DPP9: variants seen among roughly 807,000 people sequenced by gnomAD.
DPP9 encodes the protein dipeptidyl peptidase 9.
Under a neutral mutation model 110.7 loss-of-function variants are expected in DPP9, and 50 were observed. The observed-to-expected ratio is 0.45, with a 90% CI of 0.36 to 0.57. DPP9 has a LOEUF of 0.57. Ranked by LOEUF, DPP9 falls within the 20% of genes least tolerant of loss-of-function variation. The probability of loss-of-function intolerance (pLI) is 0.00; values close to 1 mark genes in which losing one functional copy is unlikely to be tolerated. For synonymous variants in DPP9, 561 were observed against 514.4 expected (o/e 1.09, Z -1.23); for missense variants, 1,022 against 1,217.9 (o/e 0.84, Z 2.39).
intron 19 of DPP9, chr19:4,683,206 C>T (rs950450773): frequency 1.6e-5 from 23 of 1,427,252 alleles, no homozygotes; most frequent in Non-Finnish European, 2.1e-5. Flanking sequence ...CCATCCGAGG[C>T]CGGGGTCCCG....
At chr19:4,707,044 G>A (rs79945697) in intron 4 of DPP9, among the ~76,000 whole-genome samples, 2,660 of 152,246 alleles carry the variant, frequency 0.017, 43 homozygotes, top group African/African-American at 0.04. Context: ...GAATCACCCC[G>A]ACCTCAAACC....
At position 4,700,348 on chromosome 19, in the gene DPP9, C is replaced by A. The variant is rs73543627; in HGVS notation, c.1013-71G>T. 7.3e-7 allele frequency: 1 copy of A among 1,363,572 alleles called. No individual in the cohort carries two copies. The highest frequency in any genetic ancestry group is 1.0e-6 in the Non-Finnish European group (1 of 996,160). 84.5% of individuals were successfully genotyped at this position (1,363,572 alleles called of 1,614,324 possible). A position where few individuals can be genotyped will look rare whatever the true frequency, so the allele number is the denominator to read the frequency against. On this transcript the variant is annotated intron_variant, in intron 9 of 21. Coordinates refer to ENST00000262960, the MANE Select transcript of DPP9 (RefSeq NM_139159.5). The surrounding 1 kb of genome is among the most constrained non-coding windows in gnomAD (Gnocchi z 4.3). The stretch of plus-strand genomic sequence containing the variant: ...GTGTGCCGAGAGCCGGCACGGGGGG[C>A]CTGGGCTGTGGGGTGACGTCCACAG...
intron 16 of DPP9, chr19:4,688,253 G>A (rs2090981227): frequency 6.5e-6 from 1 of 152,864 alleles, no homozygotes; most frequent in Non-Finnish European, 1.5e-5. Context: ...AGGACTACAT[G>A]TGCACACTAC....
intron 10 of DPP9, among the ~76,000 whole-genome samples, chr19:4,699,409 T>G (rs2092071045): frequency 6.6e-6 from 1 of 152,104 alleles, no homozygotes; most frequent in African/African-American, 2.4e-5. Context: ...CTTAACTTCC[T>G]GACACCCTTC....
chr19:4,684,625 G>T lies in DPP9; in HGVS notation c.2178+38C>A, dbSNP rs752124918. 1.9e-6 allele frequency: 3 copies of T among 1,609,748 alleles called. No homozygotes were observed. In the Admixed American group the frequency reaches 5.0e-5, roughly 27 times the overall value. The stretch of plus-strand genomic sequence containing the variant: ...ACACGGCCCAGGGCTCCCTTCCCGA[G>T]ACCCAAAGGACCCAGAGCAACAGGG... On this transcript the variant is annotated intron_variant, in intron 18 of 21. Coordinates refer to ENST00000262960, the MANE Select transcript of DPP9 (RefSeq NM_139159.5). This position sits in a 1 kb window ranked among gnomAD's most constrained non-coding sequence, Gnocchi z 4.8.
intron 2 of DPP9, among the ~76,000 whole-genome samples, chr19:4,720,836 C>T (rs1419184083): frequency 3.3e-5 from 5 of 152,202 alleles, no homozygotes; most frequent in African/African-American, 7.2e-5. Flanking sequence ...TTGAGTTCAA[C>T]GCCTACGCTC....
chr19:4,722,816 C>A (rs2093380374), intron 1 of DPP9: 2 of 405,750 alleles, frequency 4.9e-6, no homozygotes, highest in South Asian at 3.9e-5. Context: ...GGGCTTTAGT[C>A]CCAGCTCCTC....
rs747569128 is a variant in DPP9 at position 4,689,676 on chromosome 19, T to C, written c.1643A>G (p.Lys548Arg). 6.4e-7 allele frequency: 1 copy of C among 1,559,382 alleles called. No individual in the cohort carries two copies. The highest frequency in any genetic ancestry group is 1.2e-5 in the South Asian group (1 of 84,510). Residue 548 changes from lysine to arginine, a missense_variant, in exon 15 of 22, where the codon AAG becomes AGG. Physicochemically the swap from Lys to Arg is conservative, Grantham distance 26. Coordinates refer to ENST00000262960, the MANE Select transcript of DPP9 (RefSeq NM_139159.5). The surrounding 1 kb of genome is among the most constrained non-coding windows in gnomAD (Gnocchi z 7.0). ...GAGGTGGTGCTCCAGCGGCGTGTCC[T>C]TGGTGCCCTGGAAGTACACCAGCTT... ...ETKLVYFQGTKDTPLEHHLYV... is the reference protein window; with the variant it reads ...ETKLVYFQGTRDTPLEHHLYV...
Position 4,688,761 on chromosome 19 carries a change from T to G in DPP9, c.1881A>C (p.Ala627=). The stretch of plus-strand genomic sequence containing the variant: ...GGCGGGGCAGGGGCTACTCACTGGC[T>G]GCCTCCATCATGCTAGCCCAGAAGC... ...QPRFWASMME[A]ASCPPDYVPP... Residue 627 remains alanine, a synonymous_variant, in exon 16 of 22, where the codon GCA becomes GCC. Coordinates refer to ENST00000262960, the MANE Select transcript of DPP9 (RefSeq NM_139159.5). The G allele has an allele frequency of 6.9e-7, 1 of 1,444,610 alleles. No individual in the cohort carries two copies. The allele number at this position is 1,444,610 out of a possible 1,614,324, so 89.5% of individuals were successfully genotyped here.
Position 4,704,420 on chromosome 19 carries a change from C to A in DPP9, c.427-116G>T. 1 of 1,281,616 alleles carries A rather than the reference C, an allele frequency of 7.8e-7. No individual in the cohort carries two copies. The highest frequency in any genetic ancestry group is 1.1e-6 in the Non-Finnish European group (1 of 924,964). The allele number at this position is 1,281,616 out of a possible 1,614,324, so 79.4% of individuals were successfully genotyped here. On this transcript the variant is annotated intron_variant, in intron 5 of 21. Coordinates refer to ENST00000262960, the MANE Select transcript of DPP9 (RefSeq NM_139159.5). The surrounding 1 kb of genome is among the most constrained non-coding windows in gnomAD (Gnocchi z 6.0). ...CAGGGAATCTGACTTCGGGCCTCGC[C>A]AGAGAGAACTTCCTGTACTGGGCAG...
intron 21 of DPP9, among the ~76,000 whole-genome samples, chr19:4,678,761 A>G (rs2089288472): frequency 6.6e-6 from 1 of 152,028 alleles, no homozygotes; most frequent in East Asian, 1.9e-4. Flanking sequence ...CACAGGACAG[A>G]GCATGCCGAG....
chr19:4,707,511 G>A (rs1287388337), intron 4 of DPP9, among the ~76,000 whole-genome samples: 1 of 151,814 alleles, frequency 6.6e-6, no homozygotes, highest in Admixed American at 6.6e-5. Context: ...AGACAGCCCG[G>A]TGCCCTGGCC....
chr19:4,721,551 C>G (rs1490343217), intron 2 of DPP9, among the ~76,000 whole-genome samples: 1 of 152,128 alleles, frequency 6.6e-6, no homozygotes, highest in African/African-American at 2.4e-5. Context: ...GGGGCTGAGG[C>G]GGGCAGATCA....
Position 4,681,729 on chromosome 19 carries a change from T to G in DPP9, c.2474+967A>C, listed in dbSNP as rs2089908593. 2.0e-5 allele frequency among the ~76,000 whole-genome samples: 3 copies of G among 151,716 alleles called. No homozygotes were observed. In the South Asian group the frequency reaches 6.2e-4, roughly 32 times the overall value. ...ACAGGCATGCACCACCATGCCCAGC[T>G]TATTTTTTGTATTTTTTTGTAGAGA... On this transcript the variant is annotated intron_variant, in intron 20 of 21. Coordinates refer to ENST00000262960, the MANE Select transcript of DPP9 (RefSeq NM_139159.5).
intron 21 of DPP9, chr19:4,679,599 C>G: frequency 1.8e-6 from 1 of 540,972 alleles, no homozygotes; most frequent in Admixed American, 3.2e-5. Flanking sequence ...CCCCCGATCC[C>G]GTGCTTCCAG....
At chr19:4,722,682 A>G (rs963240770) in intron 1 of DPP9, 131 bp from the exon 2 acceptor site, 12 of 658,878 alleles carry the variant, frequency 1.8e-5, no homozygotes, top group African/African-American at 5.3e-5. Context: ...CTCTGCCTTG[A>G]AGCCCTGCAG....
chr19:4,694,919 A>G lies in DPP9; in HGVS notation c.1354-96T>C. On this transcript the variant is annotated intron_variant, in intron 12 of 21. Coordinates refer to ENST00000262960, the MANE Select transcript of DPP9 (RefSeq NM_139159.5). The surrounding 1 kb of genome is among the most constrained non-coding windows in gnomAD (Gnocchi z 4.0). The stretch of plus-strand genomic sequence containing the variant: ...TCCCAGTAGTTTGGGAGGCTGGGGC[A>G]GGAGACTTGCTTGAGCCCAGGAATT... 3 of 1,297,562 alleles carry G rather than the reference A, an allele frequency of 2.3e-6. No homozygotes were observed. The highest frequency in any genetic ancestry group is 2.0e-5 in the Admixed American group (1 of 49,894). 80.4% of individuals were successfully genotyped at this position (1,297,562 alleles called of 1,614,324 possible).
chr19:4,709,382 T>C (rs1289964482), intron 4 of DPP9, among the ~76,000 whole-genome samples: 1 of 152,154 alleles, frequency 6.6e-6, no homozygotes, highest in East Asian at 1.9e-4. Context: ...TTTTAAAGTG[T>C]ATTTATGAAA....
At chr19:4,715,852 G>C (rs1434022515) in intron 3 of DPP9, 5 of 152,248 alleles carry the variant, frequency 3.3e-5, no homozygotes, top group Non-Finnish European at 7.3e-5. Context: ...GGCCGCCGCG[G>C]TGTCACATCT....
Sources: gnomAD v4.1 joint callset for allele counts (sites outside exome capture counted in the v4.1 genomes callset) on GRCh38, gnomAD v4.1.1 for gene constraint, Gnocchi (gnomAD v3.1) non-coding constraint, MANE v1.5 for transcripts, NCBI Gene and HGNC (gene_info 2026-07-23, HGNC 2026-07-21) for gene names.